Variants in EVI5 observed in about 807,000 individuals in gnomAD.
The protein encoded by EVI5 is ecotropic viral integration site 5.
EVI5 carries 73 observed loss-of-function variants against 112.0 expected under a neutral mutation model. The observed-to-expected ratio is 0.65, with a 90% CI of 0.54 to 0.79. The LOEUF (loss-of-function observed/expected upper bound fraction) is 0.79. Ranked by LOEUF, EVI5 falls within the 30% of genes least tolerant of loss-of-function variation. EVI5 has a pLI of 0.00. For missense variants in EVI5, 900 were observed against 968.8 expected, an observed-to-expected ratio of 0.93 and a Z score of 0.94; for synonymous variants, 305 against 319.9, an observed-to-expected ratio of 0.95 and a Z score of 0.50.
chr1:92,559,773 C>CAAAAAA lies in EVI5; in HGVS notation c.2166+3863_2166+3868dup, dbSNP rs34723950. Among the ~76,000 whole-genome samples the CAAAAAA allele has an allele frequency of 2.7e-4, 13 of 47,492 alleles. 4 individuals carry two copies. Among genetic ancestry groups the CAAAAAA allele is most frequent in the Non-Finnish European group, 4.0e-4 (11 of 27,200 alleles). The allele number at this position is 47,492 out of a possible 152,430, so 31.2% of individuals were successfully genotyped here. On this transcript the variant is annotated intron_variant, in intron 19 of 19. Coordinates refer to ENST00000684568, the MANE Select transcript of EVI5 (RefSeq NM_001350197.2). ...TGGGAGACAGAGCAAGACTCCCTCT[C>CAAAAAA]AAAAAAAAAAAAAAAAAAAAAAAAA...
chr1:92,617,701 T>C (rs1011681475), intron 16 of EVI5, among the ~76,000 whole-genome samples: 3 of 152,188 alleles, frequency 2.0e-5, no homozygotes, highest in African/African-American at 7.2e-5. Flanking sequence ...GAGCCCTTGA[T>C]ATGGCACCAT....
intron 1 of EVI5, among the ~76,000 whole-genome samples, chr1:92,738,288 G>C (rs1027930289): frequency 2.6e-5 from 4 of 151,954 alleles, no homozygotes; most frequent in Non-Finnish European, 4.4e-5. Flanking sequence ...TTGTGAAAAT[G>C]GCACAAATTC....
At chr1:92,762,427 G>C (rs1407954573) in intron 1 of EVI5, among the ~76,000 whole-genome samples, 1 of 152,118 alleles carries the variant, frequency 6.6e-6, no homozygotes, top group Non-Finnish European at 1.5e-5. Flanking sequence ...GAAGCTTATA[G>C]AGGTTAAACA....
chr1:92,694,955 TCTCA>T (rs142673623), intron 7 of EVI5, among the ~76,000 whole-genome samples: 2,342 of 152,290 alleles, frequency 0.015, 28 homozygotes, highest in Non-Finnish European at 0.026. Flanking sequence ...AAATTTTACC[TCTCA>T]CTAACTTTCA....
intron 10 of EVI5, among the ~76,000 whole-genome samples, chr1:92,675,460 A>G (rs1666568349): frequency 6.6e-6 from 1 of 152,166 alleles, no homozygotes; most frequent in Non-Finnish European, 1.5e-5. Flanking sequence ...TTTCTTCAAG[A>G]GTAAGGATTG....
chr1:92,776,956 C>T (rs939299393), intron 1 of EVI5, among the ~76,000 whole-genome samples: 1 of 152,164 alleles, frequency 6.6e-6, no homozygotes, highest in African/African-American at 2.4e-5. Context: ...ACGCCCGCCA[C>T]CACGCCTGGC....
intron 3 of EVI5, 89 bp downstream of exon 3, chr1:92,704,466 T>C: frequency 1.3e-6 from 1 of 746,658 alleles, no homozygotes; most frequent in Non-Finnish European, 2.1e-6. Context: ...TTGGAAGTTG[T>C]ATTTGGGGTT....
chr1:92,630,138 G>C (rs975993166), intron 14 of EVI5, among the ~76,000 whole-genome samples: 6 of 152,178 alleles, frequency 3.9e-5, no homozygotes, highest in Non-Finnish European at 7.3e-5. Context: ...ACGTGTGCAT[G>C]TGTCCTTATA....
chr1:92,543,656 A>C (rs1211068745), intron 19 of EVI5, among the ~76,000 whole-genome samples: 1 of 152,210 alleles, frequency 6.6e-6, no homozygotes, highest in Admixed American at 6.5e-5. Context: ...CAGCTTAATC[A>C]TTTCTGGCTT....
chr1:92,593,764 T>C (rs917112142), intron 18 of EVI5, among the ~76,000 whole-genome samples: 1 of 152,126 alleles, frequency 6.6e-6, no homozygotes, highest in African/African-American at 2.4e-5. Flanking sequence ...CAAGCATTCT[T>C]ATACACCAAT....
chr1:92,607,629 AAG>A lies in EVI5; in HGVS notation c.1924_1925del (p.Leu642TyrfsTer5). 6.2e-7 allele frequency: 1 copy of A among 1,605,224 alleles called. No homozygotes were observed. Among genetic ancestry groups the A allele is most frequent in the African/African-American group, 1.3e-5 (1 of 74,604 alleles). ...TACGCTTTGCTTCACTTAATTGAGT[AAG>A]GAGTCCTTTGTTCTGTGCAGAAAGA... ...QYLSAQNKGL[L>X]TQLSEAKRKQ... is the part of the protein sequence containing the mutation. On this transcript the variant is annotated frameshift_variant, in exon 17 of 20. Transcript: ENST00000684568. LOFTEE classifies it high-confidence loss of function.
chr1:92,522,492 C>T (rs985494968), intron 19 of EVI5, among the ~76,000 whole-genome samples: 10 of 151,736 alleles, frequency 6.6e-5, no homozygotes, highest in Admixed American at 2.6e-4. Flanking sequence ...AAAAATCAGC[C>T]GGGTGTGGTG....
chr1:92,649,301 T>C (rs893690785), intron 13 of EVI5, among the ~76,000 whole-genome samples: 2 of 152,216 alleles, frequency 1.3e-5, no homozygotes, highest in African/African-American at 4.8e-5. Context: ...CTTGCAACTA[T>C]TTTCTACCAT....
chr1:92,531,270 A>C (rs373152418), intron 19 of EVI5, among the ~76,000 whole-genome samples: 8 of 152,066 alleles, frequency 5.3e-5, no homozygotes, highest in African/African-American at 1.7e-4. Flanking sequence ...CAAAGCCTCC[A>C]AGAAATATGG....
chr1:92,782,236 AAC>A (rs946396405), intron 1 of EVI5, among the ~76,000 whole-genome samples: 1 of 152,086 alleles, frequency 6.6e-6, no homozygotes, highest in African/African-American at 2.4e-5. Context: ...CTAGCCTGGC[AAC>A]AGAGTGAGAC....
At chr1:92,617,160 T>C (rs1003025869) in intron 16 of EVI5, among the ~76,000 whole-genome samples, 2 of 152,186 alleles carry the variant, frequency 1.3e-5, no homozygotes, top group Non-Finnish European at 2.9e-5. Flanking sequence ...ACAGCCCCTT[T>C]CTAGGACATC....
At chr1:92,705,130 G>A (rs905209878) in intron 2 of EVI5, among the ~76,000 whole-genome samples, 1 of 152,054 alleles carries the variant, frequency 6.6e-6, no homozygotes, top group Non-Finnish European at 1.5e-5. Context: ...ATCCTAAAAC[G>A]TTTACAATGT....
At chr1:92,555,323 G>A (rs1667509903) in intron 19 of EVI5, among the ~76,000 whole-genome samples, 1 of 152,158 alleles carries the variant, frequency 6.6e-6, no homozygotes, top group Non-Finnish European at 1.5e-5. Flanking sequence ...TCCATACACT[G>A]AAGTTCTTCT....
chr1:92,614,209 A>G (rs1652522175), intron 16 of EVI5, among the ~76,000 whole-genome samples: 1 of 152,206 alleles, frequency 6.6e-6, no homozygotes, highest in South Asian at 2.1e-4. Context: ...TAGCAGAAGG[A>G]AAAATGTGCC....
Sources: gnomAD v4.1 joint callset for allele counts (sites outside exome capture counted in the v4.1 genomes callset) on GRCh38, gnomAD v4.1.1 for gene constraint, MANE v1.5 for transcripts, NCBI Gene and HGNC (gene_info 2026-07-23, HGNC 2026-07-21) for gene names.